REPS1: variants seen among roughly 807,000 people sequenced by gnomAD.
REPS1 encodes the protein RALBP1 associated Eps domain containing 1.
A neutral mutation model predicts 100.9 loss-of-function variants in REPS1; 39 were observed. The observed-to-expected ratio is 0.39, with a 90% CI of 0.30 to 0.50. The LOEUF (loss-of-function observed/expected upper bound fraction) is 0.50, where lower values mean the gene tolerates loss of function less well. REPS1 is among the 20% of genes least tolerant of loss of function. The pLI is 0.86. For missense variants in REPS1, 821 were observed against 968.5 expected, an observed-to-expected ratio of 0.85 and a Z score of 2.02; for synonymous variants, 324 against 340.3, an observed-to-expected ratio of 0.95 and a Z score of 0.53.
At chr6:138,947,167 T>C in intron 2 of REPS1, among the ~76,000 whole-genome samples, 1 of 151,898 alleles carries the variant, frequency 6.6e-6, no homozygotes, top group East Asian at 1.9e-4. Context: ...CAGAAGTGAG[T>C]CAATTAAACC....
intron 1 of REPS1, among the ~76,000 whole-genome samples, chr6:138,980,243 G>C (rs551509601): frequency 6.6e-6 from 1 of 152,246 alleles, no homozygotes; most frequent in East Asian, 1.9e-4. Context: ...TCTGCTGCCT[G>C]GACTGTTGCA....
At chr6:138,974,860 T>A (rs1441111418) in intron 1 of REPS1, among the ~76,000 whole-genome samples, 1 of 152,022 alleles carries the variant, frequency 6.6e-6, no homozygotes, top group East Asian at 1.9e-4. Context: ...CATGGTGGCA[T>A]GTGCCTGTAG....
intron 12 of REPS1, among the ~76,000 whole-genome samples, chr6:138,919,088 C>T (rs762802912): frequency 5.9e-5 from 9 of 152,118 alleles, no homozygotes; most frequent in Non-Finnish European, 1.3e-4. Context: ...TGAAACTGAA[C>T]TTGATTCTTT....
At chr6:138,908,496 C>T (rs544306938) in intron 18 of REPS1, among the ~76,000 whole-genome samples, 172 bp downstream of exon 18, 1 of 152,236 alleles carries the variant, frequency 6.6e-6, no homozygotes, top group East Asian at 1.9e-4. Context: ...GGGGTTTCAC[C>T]ATGTTGGTCA....
chr6:138,941,503 T>C lies in REPS1; in HGVS notation c.981-14A>G. 6.2e-7 allele frequency: 1 copy of C among 1,608,862 alleles called. No individual in the cohort carries two copies. The highest frequency in any genetic ancestry group is 8.5e-7 in the Non-Finnish European group (1 of 1,176,100). ...TCTGAGAGTTCCCTAGAAGATAAGTTTATTGTGAATATAATCACATTCCGC... is the reference window on the plus strand; with the variant it reads ...TCTGAGAGTTCCCTAGAAGATAAGTCTATTGTGAATATAATCACATTCCGC... On this transcript the variant is annotated splice_polypyrimidine_tract_variant and intron_variant, in intron 7 of 19. Transcript: ENST00000450536.
chr6:138,987,707 C>T lies in REPS1; in HGVS notation c.-25G>A, dbSNP rs1785353933. ...TCTTCGCCTCCGGCTCACGGCCGCC[C>T]CGCCCCGCATGCACTACTCGGGGCC... is the stretch of plus-strand genomic sequence containing the variant. On this transcript the variant is annotated 5_prime_UTR_variant, in exon 1 of 20. Transcript: ENST00000450536. 3 of 1,529,620 alleles carry T rather than the reference C, an allele frequency of 2.0e-6. No homozygotes were observed. Among genetic ancestry groups the T allele is most frequent in the South Asian group, 2.4e-5 (2 of 81,744 alleles). The allele number at this position is 1,529,620 out of a possible 1,614,324, so 94.8% of individuals were successfully genotyped here.
At chr6:138,928,758 G>A (rs1472893962) in intron 9 of REPS1, 1 of 151,900 alleles carries the variant, frequency 6.6e-6, no homozygotes, top group Admixed American at 6.6e-5. Context: ...TTTTAAAAAA[G>A]ACACAAGATG....
At chr6:138,953,308 A>C (rs1235322265) in intron 1 of REPS1, among the ~76,000 whole-genome samples, 1 of 152,214 alleles carries the variant, frequency 6.6e-6, no homozygotes, top group Non-Finnish European at 1.5e-5. Flanking sequence ...ATAAGATCTC[A>C]AAAGCATAGG....
intron 8 of REPS1, among the ~76,000 whole-genome samples, chr6:138,941,041 C>A (rs113333325): frequency 6.6e-6 from 1 of 152,076 alleles, no homozygotes; most frequent in Non-Finnish European, 1.5e-5. Flanking sequence ...ATATATATCA[C>A]AATTAAAGGA....
Position 138,912,762 on chromosome 6 carries a change from G to T in REPS1, c.1971+3C>A. On this transcript the variant is annotated splice_donor_region_variant and intron_variant, in intron 16 of 19. Transcript: ENST00000450536. ...AAAATTAGCCAAGCCCTCGAAAACTGACCGGCAGGACTTCTGGATGTTTCT... is the reference window on the plus strand; with the variant it reads ...AAAATTAGCCAAGCCCTCGAAAACTTACCGGCAGGACTTCTGGATGTTTCT... 6.2e-7 allele frequency: 1 copy of T among 1,614,066 alleles called. No homozygotes were observed. The highest frequency in any genetic ancestry group is 1.1e-5 in the South Asian group (1 of 91,020).
chr6:138,906,479 C>T (rs1389289549), intron 19 of REPS1, among the ~76,000 whole-genome samples: 1 of 152,088 alleles, frequency 6.6e-6, no homozygotes, highest in Non-Finnish European at 1.5e-5. Flanking sequence ...AAAAGTGTCT[C>T]GATTTGGATG....
chr6:138,935,994 T>C (rs1229295503), intron 8 of REPS1, among the ~76,000 whole-genome samples: 1 of 151,968 alleles, frequency 6.6e-6, no homozygotes, highest in Non-Finnish European at 1.5e-5. Flanking sequence ...GGTTCCAGGC[T>C]CTCAAGATCC....
At chr6:138,987,475 G>A (rs1396412355) in intron 1 of REPS1, 55 bp downstream of exon 1, 1 of 1,447,824 alleles carries the variant, frequency 6.9e-7, no homozygotes, top group Non-Finnish European at 9.2e-7. Flanking sequence ...TCCCACTCCT[G>A]GAGGCCAGTG....
chr6:138,923,362 ACAAAG>A (rs1026551508), intron 10 of REPS1, among the ~76,000 whole-genome samples: 7 of 152,234 alleles, frequency 4.6e-5, no homozygotes, highest in Non-Finnish European at 7.3e-5. Context: ...TATTCCAAAT[ACAAAG>A]CAAATTAGAA....
chr6:138,917,654 A>G (rs1780492029), intron 12 of REPS1, 27 bp from the exon 13 acceptor site: 1 of 1,561,022 alleles, frequency 6.4e-7, no homozygotes, highest in African/African-American at 1.4e-5. Flanking sequence ...GTCCTATTTA[A>G]TAATAATCAT....
At chr6:138,957,661 T>C (rs1032684103) in intron 1 of REPS1, among the ~76,000 whole-genome samples, 4 of 151,934 alleles carry the variant, frequency 2.6e-5, no homozygotes, top group Non-Finnish European at 5.9e-5. Flanking sequence ...CAGATCAAAG[T>C]GCAATGACAG....
At chr6:138,919,738 C>T (rs1780629133) in intron 12 of REPS1, among the ~76,000 whole-genome samples, 2 of 152,142 alleles carry the variant, frequency 1.3e-5, no homozygotes, top group Admixed American at 6.5e-5. Flanking sequence ...AAATGGCACT[C>T]TCTCCACCCT....
intron 13 of REPS1, among the ~76,000 whole-genome samples, chr6:138,916,721 G>A (rs1780425387): frequency 6.6e-6 from 1 of 152,116 alleles, no homozygotes; most frequent in African/African-American, 2.4e-5. Flanking sequence ...GTCCGCAGAG[G>A]CCATCTCATT....
At chr6:138,908,911 C>T (rs1779836429) in intron 17 of REPS1, 95 bp from the exon 18 acceptor site, 10 of 1,178,010 alleles carry the variant, frequency 8.5e-6, no homozygotes, top group Non-Finnish European at 1.2e-5. Context: ...GCCATTTGCT[C>T]TTGGAAAATT....
Sources: gnomAD v4.1 joint callset for allele counts (sites outside exome capture counted in the v4.1 genomes callset) on GRCh38, gnomAD v4.1.1 for gene constraint, MANE v1.5 for transcripts, NCBI Gene and HGNC (gene_info 2026-07-23, HGNC 2026-07-21) for gene names.